Variants in SELENOI observed in about 807,000 individuals in gnomAD.
SELENOI encodes the protein selenoprotein I, also known as ethanolaminephosphotransferase 1.
Under a neutral mutation model 50.7 loss-of-function variants are expected in SELENOI, and 24 were observed. The ratio of observed to expected loss-of-function variants is 0.47; its 90% confidence interval spans 0.34 to 0.67. The LOEUF (loss-of-function observed/expected upper bound fraction) is 0.67, where lower values mean the gene tolerates loss of function less well. SELENOI is among the 30% of genes least tolerant of loss of function. The pLI is 0.01. For synonymous variants in SELENOI, 155 were observed against 170.2 expected, an observed-to-expected ratio of 0.91 and a Z score of 0.70; for missense variants, 352 against 461.4, an observed-to-expected ratio of 0.76 and a Z score of 2.17.
intron 4 of SELENOI, 27 bp from the exon 5 acceptor site, chr2:26,373,340 T>A (rs1455795106): frequency 6.3e-7 from 1 of 1,591,940 alleles, no homozygotes; most frequent in Non-Finnish European, 8.6e-7. Context: ...TACGTTGAAC[T>A]TTTCCTGTGG....
At chr2:26,371,867 GGGGAGAGGGAGACCATGGGGAGAGGGAGA>G (rs926109960) in intron 4 of SELENOI, among the ~76,000 whole-genome samples, 2 of 149,770 alleles carry the variant, frequency 1.3e-5, no homozygotes, top group African/African-American at 5.1e-5. Flanking sequence ...GGGAAACCAT[GGGGAGAGGGAGACCATGGGGAGAGGGAGA>G]GGGAGAGGGA....
chr2:26,379,913 A>C (rs748086009), intron 6 of SELENOI, among the ~76,000 whole-genome samples: 39 of 152,218 alleles, frequency 2.6e-4, no homozygotes, highest in Non-Finnish European at 4.7e-4. Context: ...TATTCACAAC[A>C]GTCTCCGAAT....
intron 1 of SELENOI, among the ~76,000 whole-genome samples, chr2:26,362,304 C>A (rs922569797): frequency 3.3e-5 from 5 of 152,190 alleles, no homozygotes. Context: ...CTCCTGACCT[C>A]GTGATCCATC....
In SELENOI at chr2:26,394,502, T is replaced by C. The variant is rs1374091400; in HGVS notation, c.*5399T>C. 1 of 152,236 alleles carries C rather than the reference T, an allele frequency of 6.6e-6. No individual in the cohort carries two copies. Among genetic ancestry groups the C allele is most frequent in the Admixed American group, 6.5e-5 (1 of 15,290 alleles). The allele number at this position is 152,236 out of a possible 1,614,324, so 9.4% of individuals were successfully genotyped here. On this transcript the variant is annotated 3_prime_UTR_variant, in exon 10 of 10. Coordinates refer to ENST00000260585, the MANE Select transcript of SELENOI (RefSeq NM_033505.4). The surrounding 1 kb of genome is among the most constrained non-coding windows in gnomAD (Gnocchi z 4.1). The stretch of plus-strand genomic sequence containing the variant: ...GAGACTGCTCACAATATTAACTTTT[T>C]TTGTAGGTTATTTTGTTGTTTAGAT...
rs116494260 is a variant in SELENOI at position 26,386,454 on chromosome 2, T to C, written c.1013T>C (p.Val338Ala). 815 of 1,613,850 alleles carry C rather than the reference T, an allele frequency of 5.1e-4. 5 individuals carry two copies. The African/African-American group carries it at 0.01, about 20-fold the overall frequency. Residue 338 changes from valine (V) to alanine (A), a missense_variant, in exon 9 of 10, where the codon GTA becomes GCA. Physicochemically the swap from Val to Ala is moderately conservative, Grantham distance 64. Transcript: ENST00000260585. ...GTTGTCTTAGTGGTAAACCTAGGAG[T>C]AGCCTCTTACGTTGAGAGCATTCTC... is the stretch of plus-strand genomic sequence containing the variant. ...FLVVLVVNLG[V>A]ASYVESILLY...
At chr2:26,381,803 C>G (rs1016282678) in intron 6 of SELENOI, among the ~76,000 whole-genome samples, 1 of 152,094 alleles carries the variant, frequency 6.6e-6, no homozygotes, top group Non-Finnish European at 1.5e-5. Context: ...GATAAGATTT[C>G]TGTTGGGTTC....
At position 26,383,310 on chromosome 2, in the gene SELENOI, T is replaced by C; in HGVS notation, c.694T>C (p.Cys232Arg). The change falls in exon 7 of 10, where the codon TGT (cysteine) becomes CGT (arginine). Residue 232 changes from cysteine (C) to arginine (R), a missense_variant. Cys to Arg is a radical substitution (Grantham distance 180). Transcript: ENST00000260585. ...FTAMIIGCALCVTLPMSLLNF... is the reference protein window; with the variant it reads ...FTAMIIGCALRVTLPMSLLNF... ...ATTATTCCCTTTAGGTTGTGCATTA[T>C]GTGTGACTCTTCCAATGAGTTTATT... is the stretch of plus-strand genomic sequence containing the variant. 2.6e-6 allele frequency: 4 copies of C among 1,538,212 alleles called. No homozygotes were observed. The highest frequency in any genetic ancestry group is 3.5e-6 in the Non-Finnish European group (4 of 1,132,218).
Position 26,394,188 on chromosome 2 carries a change from C to T in SELENOI, c.*5085C>T, listed in dbSNP as rs534813926. On this transcript the variant is annotated 3_prime_UTR_variant, in exon 10 of 10. Transcript: ENST00000260585. The surrounding 1 kb of genome is among the most constrained non-coding windows in gnomAD (Gnocchi z 4.1). ...GGTGGATTGCTTGAGCCCAGGAGTT[C>T]GACACCAACCTGAGCAACATGGCGA... 2.0e-5 allele frequency: 3 copies of T among 152,162 alleles called. No homozygotes were observed. The highest frequency in any genetic ancestry group is 3.9e-4 in the East Asian group (2 of 5,168). 9.4% of individuals were successfully genotyped at this position (152,162 alleles called of 1,614,324 possible). A position where few individuals can be genotyped will look rare whatever the true frequency, so the allele number is the denominator to read the frequency against.
At chr2:26,369,450 T>A (rs1425313171) in intron 4 of SELENOI, among the ~76,000 whole-genome samples, 7 of 152,352 alleles carry the variant, frequency 4.6e-5, no homozygotes, top group Non-Finnish European at 7.3e-5. Context: ...ACTACCACTA[T>A]CTTCGTTACC....
intron 1 of SELENOI, among the ~76,000 whole-genome samples, chr2:26,357,225 T>A (rs1276482588): frequency 1.3e-5 from 2 of 152,216 alleles, no homozygotes; most frequent in Non-Finnish European, 2.9e-5. Context: ...GAACTTCATA[T>A]AAGTGGAATC....
intron 6 of SELENOI, among the ~76,000 whole-genome samples, chr2:26,379,566 G>A (rs547345850): frequency 6.6e-6 from 1 of 151,970 alleles, no homozygotes; most frequent in Non-Finnish European, 1.5e-5. Context: ...GCATGTAGCG[G>A]GTTCAGGTTT....
chr2:26,382,568 A>G (rs1677729283), intron 6 of SELENOI, among the ~76,000 whole-genome samples: 1 of 5,472 alleles, frequency 1.8e-4, no homozygotes, highest in Admixed American at 3.8e-3. Context: ...ATGATAAGAC[A>G]AAGCAGAAGA....
chr2:26,370,690 G>T (rs1420427064), intron 4 of SELENOI, among the ~76,000 whole-genome samples: 16 of 136,450 alleles, frequency 1.2e-4, no homozygotes, highest in African/African-American at 4.1e-4. Context: ...AGGGGCCACC[G>T]GGCAGAGGCG....
chr2:26,374,999 G>T (rs377158582), intron 5 of SELENOI, 41 bp from the exon 6 acceptor site: 10 of 1,374,384 alleles, frequency 7.3e-6, no homozygotes, highest in Non-Finnish European at 1.0e-5. Flanking sequence ...TCTTTCTAGC[G>T]TTAATGCTTC....
intron 1 of SELENOI, among the ~76,000 whole-genome samples, chr2:26,349,042 G>T: frequency 1.0e-5 from 1 of 95,552 alleles, no homozygotes; most frequent in Non-Finnish European, 2.0e-5. Flanking sequence ...GGAGATGGAG[G>T]TTTGCTCTTG....
chr2:26,373,760 A>T (rs1452111832), intron 5 of SELENOI, 131 bp downstream of exon 5: 10 of 931,264 alleles, frequency 1.1e-5, no homozygotes, highest in Non-Finnish European at 1.6e-5. Context: ...TTTTATTTTT[A>T]TTTATGGAAA....
intron 1 of SELENOI, among the ~76,000 whole-genome samples, chr2:26,351,552 A>G (rs764928167): frequency 4.6e-5 from 7 of 152,254 alleles, no homozygotes; most frequent in Non-Finnish European, 7.3e-5. Context: ...GCATTATGGA[A>G]CAAGAGAGCA....
intron 7 of SELENOI, among the ~76,000 whole-genome samples, 174 bp from the exon 8 acceptor site, chr2:26,384,785 A>G (rs1259809478): frequency 1.3e-5 from 2 of 152,188 alleles, no homozygotes; most frequent in African/African-American, 4.8e-5. Flanking sequence ...AAATTCTCTT[A>G]TCCTCACTTA....
rs1300708952 is a variant in SELENOI at position 26,370,736 on chromosome 2, G to T, written c.311-2631G>T. Among the ~76,000 whole-genome samples, 9 of 142,398 alleles carry T rather than the reference G, an allele frequency of 6.3e-5. 1 individual carries two copies. The highest frequency in any genetic ancestry group is 1.2e-4 in the Non-Finnish European group (8 of 64,144). The allele number at this position is 142,398 out of a possible 152,430, so 93.4% of individuals were successfully genotyped here. A position where few individuals can be genotyped will look rare whatever the true frequency, so the allele number is the denominator to read the frequency against. On this transcript the variant is annotated intron_variant, in intron 4 of 9. Coordinates refer to ENST00000260585, the MANE Select transcript of SELENOI (RefSeq NM_033505.4). The stretch of plus-strand genomic sequence containing the variant: ...CCCGGACGGGGCGGCTGGCCGGGCG[G>T]GGGGCTGACCCCCCCACCTCCCTCC...
Sources: gnomAD v4.1 joint callset for allele counts (sites outside exome capture counted in the v4.1 genomes callset) on GRCh38, gnomAD v4.1.1 for gene constraint, Gnocchi (gnomAD v3.1) non-coding constraint, MANE v1.5 for transcripts, NCBI Gene and HGNC (gene_info 2026-07-23, HGNC 2026-07-21) for gene names.